Variants in TNRC6B observed in about 807,000 individuals in gnomAD.
The protein encoded by TNRC6B is trinucleotide repeat-containing gene 6B protein.
A neutral mutation model predicts 203.6 loss-of-function variants in TNRC6B; 52 were observed. The ratio of observed to expected loss-of-function variants is 0.26; its 90% confidence interval spans 0.20 to 0.32. TNRC6B has a LOEUF of 0.32. Ranked by LOEUF, TNRC6B falls within the 10% of genes least tolerant of loss-of-function variation. The probability of loss-of-function intolerance (pLI) is 1.00; values close to 1 mark genes in which losing one functional copy is unlikely to be tolerated. For synonymous variants in TNRC6B, 838 were observed against 845.7 expected, an observed-to-expected ratio of 0.99 and a Z score of 0.16; for missense variants, 1,923 against 2,286.2, an observed-to-expected ratio of 0.84 and a Z score of 3.24.
intron 1 of TNRC6B, among the ~76,000 whole-genome samples, chr22:40,223,119 T>A (rs370685548): frequency 2.6e-5 from 4 of 151,618 alleles, no homozygotes; most frequent in East Asian, 1.9e-4. Flanking sequence ...CAATAGCATT[T>A]CCTTCTCTGA....
intron 3 of TNRC6B, among the ~76,000 whole-genome samples, chr22:40,129,512 G>A (rs2068522890): frequency 6.6e-6 from 1 of 152,132 alleles, no homozygotes; most frequent in South Asian, 2.1e-4. Flanking sequence ...ACTCGAGGAT[G>A]GATTGAGATC....
chr22:40,240,189 G>T (rs1282080404), intron 1 of TNRC6B, among the ~76,000 whole-genome samples: 1 of 152,124 alleles, frequency 6.6e-6, no homozygotes, highest in Non-Finnish European at 1.5e-5. Context: ...TACTATTATT[G>T]TAAAAAATTA....
rs116434523 is a variant in TNRC6B at position 40,253,516 on chromosome 22, T to C, written c.115+2316T>C. On this transcript the variant is annotated intron_variant, in intron 3 of 22. Transcript: ENST00000454349. The stretch of plus-strand genomic sequence containing the variant: ...CTACTCACCACCAAATTTTTTTTTT[T>C]CCAATTGGGGGCTTTCTCATACCTA... 1,338 of 446,762 alleles carry C rather than the reference T, an allele frequency of 3.0e-3. 18 individuals are homozygous for C. The highest frequency in any genetic ancestry group is 0.025 in the African/African-American group (1,208 of 49,264). 27.7% of individuals were successfully genotyped at this position (446,762 alleles called of 1,614,324 possible). A position where few individuals can be genotyped will look rare whatever the true frequency, so the allele number is the denominator to read the frequency against.
chr22:40,111,345 T>C (rs991517855), intron 1 of TNRC6B, among the ~76,000 whole-genome samples: 1 of 152,198 alleles, frequency 6.6e-6, no homozygotes, highest in Non-Finnish European at 1.5e-5. Context: ...TGGGGTTTTA[T>C]CTACAGGGTG....
chr22:40,322,910 G>A lies in TNRC6B; in HGVS notation c.5171G>A (p.Ser1724Asn), dbSNP rs2071353945. ...LAEFATDDEVSRFLAQAQPPT... is the reference protein window; with the variant it reads ...LAEFATDDEVNRFLAQAQPPT... Reference sequence around the variant, plus strand: ...GAGTTTGCCACTGATGATGAAGTCAGCCGCTTTCTGGCACAAGCTCAGCCC... The same window carrying A: ...GAGTTTGCCACTGATGATGAAGTCAACCGCTTTCTGGCACAAGCTCAGCCC... The change falls in exon 23 of 23, where the codon AGC becomes AAC. Residue 1724 changes from serine (S) to asparagine (N), a missense_variant. Physicochemically the swap from Ser to Asn is conservative, Grantham distance 46. Coordinates refer to ENST00000454349, the MANE Select transcript of TNRC6B (RefSeq NM_001162501.2). 1 of 1,613,848 alleles carries A rather than the reference G, an allele frequency of 6.2e-7. No individual in the cohort carries two copies. Among genetic ancestry groups the A allele is most frequent in the Admixed American group, 1.7e-5 (1 of 60,006 alleles).
At chr22:40,255,532 A>G (rs768418175) in intron 3 of TNRC6B, among the ~76,000 whole-genome samples, 1 of 152,200 alleles carries the variant, frequency 6.6e-6, no homozygotes, top group Non-Finnish European at 1.5e-5. Flanking sequence ...GTTCTAACAC[A>G]GTGGTGGGGA....
chr22:40,227,075 AATTATTATTATT>A (rs66592054), intron 1 of TNRC6B, among the ~76,000 whole-genome samples: 213 of 137,064 alleles, frequency 1.6e-3, no homozygotes, highest in African/African-American at 3.3e-3. Flanking sequence ...ACACCCAGCT[AATTATTATTATT>A]ATTATTATTA....
At chr22:40,308,687 A>G in intron 16 of TNRC6B, 38 bp downstream of exon 16, 1 of 1,575,624 alleles carries the variant, frequency 6.3e-7, no homozygotes, top group Non-Finnish European at 8.6e-7. Context: ...CCCAACCCAC[A>G]GCAGGTCTTG....
chr22:40,047,222 A>T (rs557849335), intron 1 of TNRC6B, among the ~76,000 whole-genome samples: 9 of 152,284 alleles, frequency 5.9e-5, no homozygotes, highest in African/African-American at 2.2e-4. Context: ...TCCTTGAATT[A>T]TCAGAGGGAG....
At chr22:40,158,518 A>G (rs536436848) in intron 4 of TNRC6B, among the ~76,000 whole-genome samples, 7 of 152,304 alleles carry the variant, frequency 4.6e-5, no homozygotes, top group African/African-American at 1.7e-4. Context: ...CCTCTCTAGT[A>G]ACCCTTATCC....
rs959512857 is a variant in TNRC6B at position 40,265,906 on chromosome 22, G to T, written c.1676G>T (p.Gly559Val). ...NQGNAQAPCW[G>V]RSSSSTGSEV... ...GGCAATGCCCAGGCTCCCTGTTGGG[G>T]AAGATCTTCCAGCTCCACAGGAAGT... The change falls in exon 5 of 23, where the codon GGA becomes GTA. Residue 559 changes from glycine (G) to valine (V), a missense_variant. By Grantham distance (109) the Gly-to-Val change is moderately radical. Coordinates refer to ENST00000454349, the MANE Select transcript of TNRC6B (RefSeq NM_001162501.2). The T allele has an allele frequency of 6.2e-7, 1 of 1,614,042 alleles. No individual in the cohort carries two copies. The highest frequency in any genetic ancestry group is 1.7e-5 in the Admixed American group (1 of 60,022).
chr22:40,274,756 G>A (rs1026562866), intron 7 of TNRC6B, among the ~76,000 whole-genome samples: 1 of 152,102 alleles, frequency 6.6e-6, no homozygotes, highest in Non-Finnish European at 1.5e-5. Flanking sequence ...CATGTACCAG[G>A]TTGTGTACTA....
At chr22:40,160,664 C>T (rs973686161) in intron 4 of TNRC6B, among the ~76,000 whole-genome samples, 3 of 152,098 alleles carry the variant, frequency 2.0e-5, no homozygotes, top group African/African-American at 4.8e-5. Context: ...TCCAGGGCAC[C>T]AGCAATCTTC....
chr22:40,198,417 C>T (rs189232475), intron 1 of TNRC6B, among the ~76,000 whole-genome samples: 18 of 152,024 alleles, frequency 1.2e-4, no homozygotes, highest in Admixed American at 1.0e-3. Flanking sequence ...ACAGTTCAGT[C>T]CTAGAGGCTA....
At chr22:40,230,224 A>G (rs2069848431) in intron 1 of TNRC6B, among the ~76,000 whole-genome samples, 2 of 133,350 alleles carry the variant, frequency 1.5e-5, no homozygotes, top group African/African-American at 5.7e-5. Flanking sequence ...TTATGTGTTT[A>G]TTTGCCACAT....
chr22:40,076,520 G>A (rs1182662038), intron 1 of TNRC6B, among the ~76,000 whole-genome samples: 3 of 151,940 alleles, frequency 2.0e-5, no homozygotes, highest in Non-Finnish European at 2.9e-5. Flanking sequence ...CTATCTTTTG[G>A]CACCTTAAAG....
At chr22:40,218,980 T>A (rs1411367692) in intron 1 of TNRC6B, among the ~76,000 whole-genome samples, 1 of 152,266 alleles carries the variant, frequency 6.6e-6, no homozygotes, top group East Asian at 1.9e-4. Context: ...CTGGGCATTC[T>A]GAGAAGCAGG....
intron 1 of TNRC6B, among the ~76,000 whole-genome samples, chr22:40,231,023 C>T (rs1399753717): frequency 6.6e-6 from 1 of 151,874 alleles, no homozygotes; most frequent in Non-Finnish European, 1.5e-5. Flanking sequence ...ACCTTTGCAG[C>T]TTTTTTGAAA....
chr22:40,085,672 G>A (rs2068094045), intron 1 of TNRC6B, among the ~76,000 whole-genome samples: 1 of 152,112 alleles, frequency 6.6e-6, no homozygotes, highest in African/African-American at 2.4e-5. Flanking sequence ...TTTATAGGAG[G>A]TGGTGTTTAC....
Sources: gnomAD v4.1 joint callset for allele counts (sites outside exome capture counted in the v4.1 genomes callset) on GRCh38, gnomAD v4.1.1 for gene constraint, MANE v1.5 for transcripts, NCBI Gene and HGNC (gene_info 2026-07-23, HGNC 2026-07-21) for gene names.